MON1B: variants seen among roughly 807,000 people sequenced by gnomAD.
The protein encoded by MON1B is MON1 vesicular trafficking associated B.
In MON1B, 26 loss-of-function variants were observed where a neutral mutation model predicts 45.1. That is an observed-to-expected ratio of 0.58 (90% CI 0.42 to 0.80). The LOEUF (loss-of-function observed/expected upper bound fraction) is 0.80. MON1B is among the 30% of genes least tolerant of loss of function. The pLI is 0.00. For synonymous variants in MON1B, 395 were observed against 320.2 expected (o/e 1.23, Z -2.49); for missense variants, 737 against 754.5 (o/e 0.98, Z 0.27).
chr16:77,191,752 C>G, intron 2 of MON1B, 119 bp downstream of exon 2: 1 of 1,195,454 alleles, frequency 8.4e-7, no homozygotes, highest in Non-Finnish European at 1.2e-6. Context: ...GTGGCTTAAA[C>G]CATCGCCGGG....
chr16:77,192,670 G>A (rs2054625948), intron 2 of MON1B, among the ~76,000 whole-genome samples: 1 of 152,258 alleles, frequency 6.6e-6, no homozygotes, highest in South Asian at 2.1e-4. Context: ...CTGGGTGTTA[G>A]TGGAGGTTAA....
Position 77,199,325 on chromosome 16 carries a change from C to T in MON1B, c.*1017C>T. The T allele has an allele frequency of 1.2e-6, 1 of 868,324 alleles. No homozygotes were observed. The highest frequency in any genetic ancestry group is 2.7e-5 in the East Asian group (1 of 37,504). 53.8% of individuals were successfully genotyped at this position (868,324 alleles called of 1,614,324 possible). ...GTGTTCTGCGCCTGCCCAGAGCTGA[C>T]TCCTGATTTAACCGCTGGCGTAACC... On this transcript the variant is annotated 3_prime_UTR_variant, in exon 6 of 6. Transcript: ENST00000248248.
rs373375255 is a variant in MON1B, at chr16:77,199,566, G to A, written c.*1258G>A. The A allele has an allele frequency of 8.0e-5, 106 of 1,325,486 alleles. No individual in the cohort carries two copies. The African/African-American group carries it at 1.2e-3, about 16-fold the overall frequency. 82.1% of individuals were successfully genotyped at this position (1,325,486 alleles called of 1,614,324 possible). A position where few individuals can be genotyped will look rare whatever the true frequency, so the allele number is the denominator to read the frequency against. On this transcript the variant is annotated 3_prime_UTR_variant, in exon 6 of 6. Coordinates refer to ENST00000248248, the MANE Select transcript of MON1B (RefSeq NM_014940.4). The stretch of plus-strand genomic sequence containing the variant: ...TTCTCTCCAACCAGGGCAGAAAGGA[G>A]GGAGGATTCGTCCCATTACAATAAT...
intron 2 of MON1B, among the ~76,000 whole-genome samples, chr16:77,191,851 G>GT (rs2054618159): frequency 6.6e-6 from 1 of 152,146 alleles, no homozygotes; most frequent in African/African-American, 2.4e-5. Flanking sequence ...GGGGTTTGGT[G>GT]TGAGTTTAGG....
At chr16:77,191,392 G>C (rs1162405740) in intron 1 of MON1B, 84 bp from the exon 2 acceptor site, 3 of 1,586,492 alleles carry the variant, frequency 1.9e-6, no homozygotes, top group Admixed American at 1.7e-5. Context: ...AGCAGTAGGA[G>C]TGTGTCCAAG....
In MON1B at chr16:77,199,300, G is replaced by A; in HGVS notation, c.*992G>A. ...GTGTGCTGGCAATCAGGGCCGCAGT[G>A]TGTTCTGCGCCTGCCCAGAGCTGAC... On this transcript the variant is annotated 3_prime_UTR_variant, in exon 6 of 6. Coordinates refer to ENST00000248248, the MANE Select transcript of MON1B (RefSeq NM_014940.4). 1.5e-6 allele frequency: 1 copy of A among 675,936 alleles called. No individual in the cohort carries two copies. Among genetic ancestry groups the A allele is most frequent in the Non-Finnish European group, 2.6e-6 (1 of 390,396 alleles). The allele number at this position is 675,936 out of a possible 1,614,324, so 41.9% of individuals were successfully genotyped here.
chr16:77,198,500 C>T lies in MON1B; in HGVS notation c.*192C>T, dbSNP rs1399840148. 8.0e-6 allele frequency: 5 copies of T among 626,204 alleles called. No individual in the cohort carries two copies. The highest frequency in any genetic ancestry group is 1.8e-5 in the African/African-American group (1 of 54,386). 38.8% of individuals were successfully genotyped at this position (626,204 alleles called of 1,614,324 possible). Reference sequence around the variant, plus strand: ...CCAGGCGAGCAGGCTGCTTTCCCTGCCCAGTCATGCACCTCCCCCTCTGGG... The same window carrying T: ...CCAGGCGAGCAGGCTGCTTTCCCTGTCCAGTCATGCACCTCCCCCTCTGGG... On this transcript the variant is annotated 3_prime_UTR_variant, in exon 6 of 6. Coordinates refer to ENST00000248248, the MANE Select transcript of MON1B (RefSeq NM_014940.4).
intron 5 of MON1B, among the ~76,000 whole-genome samples, chr16:77,196,397 C>T (rs972504540): frequency 1.3e-5 from 2 of 152,126 alleles, no homozygotes; most frequent in African/African-American, 2.4e-5. Context: ...TTATAAAGGG[C>T]GTGGTGAAAA....
rs144875018 is a variant in MON1B, at chr16:77,198,262, C to G, written c.1598C>G (p.Thr533Ser). 2,026 of 1,614,216 alleles carry G rather than the reference C, an allele frequency of 1.3e-3. No homozygotes were observed. The highest frequency in any genetic ancestry group is 1.6e-3 in the Non-Finnish European group (1,895 of 1,180,038). ...YPPKYSTPPA[T>S]STDQAAHNGL... ...CCCAAGTACTCCACACCACCAGCCACCTCTACGGACCAAGCTGCCCATAAT... is the reference window on the plus strand; with the variant it reads ...CCCAAGTACTCCACACCACCAGCCAGCTCTACGGACCAAGCTGCCCATAAT... Residue 533 changes from threonine to serine, a missense_variant, in exon 6 of 6, where the codon ACC (threonine) becomes AGC (serine). Physicochemically the swap from Thr to Ser is moderately conservative, Grantham distance 58. Transcript: ENST00000248248.
chr16:77,199,720 T>G lies in MON1B; in HGVS notation c.*1412T>G, dbSNP rs183352586. The G allele has an allele frequency of 7.0e-5, 37 of 524,826 alleles. No homozygotes were observed. Among genetic ancestry groups the G allele is most frequent in the Non-Finnish European group, 1.1e-4 (34 of 297,334 alleles). The allele number at this position is 524,826 out of a possible 1,614,324, so 32.5% of individuals were successfully genotyped here. A position where few individuals can be genotyped will look rare whatever the true frequency, so the allele number is the denominator to read the frequency against. ...CATATTCTTATCACCGAGATTAACT[T>G]TTGTCAACTGTAGTGTATACGTTGT... On this transcript the variant is annotated 3_prime_UTR_variant, in exon 6 of 6. Coordinates refer to ENST00000248248, the MANE Select transcript of MON1B (RefSeq NM_014940.4).
rs781585650 is a variant in MON1B, at chr16:77,198,133, C to T, written c.1469C>T (p.Thr490Ile). Residue 490 changes from threonine to isoleucine, a missense_variant, in exon 6 of 6, where the codon ACC becomes ATC. Transcript: ENST00000248248. ...GTGACCTCCAAATTCGAGCTCTATA[C>T]CTGCCTCAGCCCTCTGGTGACCAAG... ...AWVTSKFELY[T>I]CLSPLVTKAG... The T allele has an allele frequency of 6.2e-7, 1 of 1,614,166 alleles. No individual in the cohort carries two copies.
Position 77,196,608 on chromosome 16 carries a change from T to C in MON1B, c.1443+926T>C, listed in dbSNP as rs547429722. Among the ~76,000 whole-genome samples the C allele has an allele frequency of 7.9e-5, 12 of 152,188 alleles. No homozygotes were observed. The East Asian group carries it at 1.9e-3, about 25-fold the overall frequency. ...CTGGCAAACATGGCAAAACCCCGTC[T>C]CTACTAAAAATACAAAAATTAGCTG... On this transcript the variant is annotated intron_variant, in intron 5 of 5. Transcript: ENST00000248248.
chr16:77,198,370 C>G lies in MON1B; in HGVS notation c.*62C>G. ...ACCACCTTTGTTTTTTACCTTCTGT[C>G]TACCCTGGAAATGTGTGTGGGGGTG... is the stretch of plus-strand genomic sequence containing the variant. On this transcript the variant is annotated 3_prime_UTR_variant, in exon 6 of 6. Transcript: ENST00000248248. 5 of 1,529,894 alleles carry G rather than the reference C, an allele frequency of 3.3e-6. No homozygotes were observed. The highest frequency in any genetic ancestry group is 2.3e-5 in the East Asian group (1 of 44,422). 94.8% of individuals were successfully genotyped at this position (1,529,894 alleles called of 1,614,324 possible).
chr16:77,196,297 A>T (rs1042428262), intron 5 of MON1B, among the ~76,000 whole-genome samples: 13 of 152,176 alleles, frequency 8.5e-5, no homozygotes, highest in African/African-American at 3.1e-4. Context: ...TTTTGTTTTT[A>T]AATTTTTTTA....
At chr16:77,196,657 T>G (rs1173805233) in intron 5 of MON1B, among the ~76,000 whole-genome samples, 1 of 152,120 alleles carries the variant, frequency 6.6e-6, no homozygotes, top group Non-Finnish European at 1.5e-5. Context: ...GCACCTGTAG[T>G]CCCAGCTATT....
Position 77,200,806 on chromosome 16 carries a change from AT to A in MON1B, c.*2501del, listed in dbSNP as rs1327850743. The A allele has an allele frequency of 6.6e-6, 1 of 151,940 alleles. No homozygotes were observed. Among genetic ancestry groups the A allele is most frequent in the African/African-American group, 2.4e-5 (1 of 41,362 alleles). The allele number at this position is 151,940 out of a possible 1,614,324, so 9.4% of individuals were successfully genotyped here. On this transcript the variant is annotated 3_prime_UTR_variant, in exon 6 of 6. Coordinates refer to ENST00000248248, the MANE Select transcript of MON1B (RefSeq NM_014940.4). ...AAAAAATCTCCCAAGGCAGTCATGCATTTGTATGCCACTAGCATTTTTTTGT... is the reference window on the plus strand; with the variant it reads ...AAAAAATCTCCCAAGGCAGTCATGCATTGTATGCCACTAGCATTTTTTTGT...
rs746816996 is a variant in MON1B at position 77,191,483 on chromosome 16, C to T, written c.-3C>T. ...GATTCCCCTCCCACTCAGGGATGTGCAGATGGAGGTCGGAGGAGACACTGC... is the reference window on the plus strand; with the variant it reads ...GATTCCCCTCCCACTCAGGGATGTGTAGATGGAGGTCGGAGGAGACACTGC... On this transcript the variant is annotated 5_prime_UTR_variant, in exon 2 of 6. Transcript: ENST00000248248. 26 of 1,599,624 alleles carry T rather than the reference C, an allele frequency of 1.6e-5. No homozygotes were observed. Among genetic ancestry groups the T allele is most frequent in the Non-Finnish European group, 2.0e-5 (24 of 1,175,350 alleles).
Position 77,198,269 on chromosome 16 carries a change from G to A in MON1B, c.1605G>A (p.Thr535=), listed in dbSNP as rs1174188848. Residue 535 remains threonine, a synonymous_variant, in exon 6 of 6, where the codon ACG becomes ACA. Coordinates refer to ENST00000248248, the MANE Select transcript of MON1B (RefSeq NM_014940.4). ...PKYSTPPATS[T]DQAAHNGLFT... ...ACTCCACACCACCAGCCACCTCTAC[G>A]GACCAAGCTGCCCATAATGGCTTGT... The A allele has an allele frequency of 5.0e-6, 8 of 1,613,964 alleles. 1 individual carries two copies. Among genetic ancestry groups the A allele is most frequent in the African/African-American group, 1.3e-5 (1 of 74,892 alleles).
At chr16:77,192,223 T>A (rs770281503) in intron 2 of MON1B, among the ~76,000 whole-genome samples, 2 of 152,008 alleles carry the variant, frequency 1.3e-5, no homozygotes, top group Non-Finnish European at 2.9e-5. Context: ...GTAAATGGAG[T>A]CATTGGGAAG....
Sources: gnomAD v4.1 joint callset for allele counts (sites outside exome capture counted in the v4.1 genomes callset) on GRCh38, gnomAD v4.1.1 for gene constraint, MANE v1.5 for transcripts, NCBI Gene and HGNC (gene_info 2026-07-23, HGNC 2026-07-21) for gene names.